Variants in ASPH observed in about 807,000 individuals in gnomAD.
ASPH encodes aspartate beta-hydroxylase, also known as aspartyl/asparaginyl beta-hydroxylase.
A neutral mutation model predicts 118.4 loss-of-function variants in ASPH; 100 were observed. The ratio of observed to expected loss-of-function variants is 0.84; its 90% CI spans 0.72 to 1.00. The LOEUF is 1.00. ASPH is among the 50% of genes least tolerant of loss of function. The probability of loss-of-function intolerance (pLI) is 0.00; values close to 1 mark genes in which losing one functional copy is unlikely to be tolerated. For missense variants in ASPH, 920 were observed against 919.5 expected, an observed-to-expected ratio of 1.00 and a Z score of -0.01; for synonymous variants, 315 against 325.6, an observed-to-expected ratio of 0.97 and a Z score of 0.35.
At chr8:61,556,182 G>T (rs1473200907) in intron 18 of ASPH, among the ~76,000 whole-genome samples, 160 bp from the exon 19 acceptor site, 1 of 152,164 alleles carries the variant, frequency 6.6e-6, no homozygotes, top group Non-Finnish European at 1.5e-5. Context: ...TTGTCTCATG[G>T]CAATATCATT....
chr8:61,548,286 A>G, intron 20 of ASPH, 78 bp from the exon 21 acceptor site: 2 of 1,445,236 alleles, frequency 1.4e-6, no homozygotes, highest in East Asian at 2.6e-5. Flanking sequence ...TGAAAACATT[A>G]AAAATAAGGT....
chr8:61,690,779 G>C (rs538874930), intron 1 of ASPH, among the ~76,000 whole-genome samples: 3 of 151,802 alleles, frequency 2.0e-5, no homozygotes. Context: ...AGTGGCTTAC[G>C]GCAAGAATAT....
intron 14 of ASPH, among the ~76,000 whole-genome samples, chr8:61,612,740 G>A (rs555290619): frequency 4.5e-4 from 69 of 152,264 alleles, no homozygotes; most frequent in Non-Finnish European, 8.2e-4. Context: ...TTAATTATAG[G>A]CACAGAAGTA....
chr8:61,546,754 C>A (rs190931287), intron 21 of ASPH, among the ~76,000 whole-genome samples: 55 of 152,176 alleles, frequency 3.6e-4, no homozygotes, highest in African/African-American at 1.3e-3. Context: ...CCAAGTAGAC[C>A]AAATTAATCA....
chr8:61,509,241 T>C (rs1294188313), intron 24 of ASPH, among the ~76,000 whole-genome samples: 1 of 152,142 alleles, frequency 6.6e-6, no homozygotes, highest in African/African-American at 2.4e-5. Context: ...GGCGAGTCCA[T>C]GGAGTAAAGT....
chr8:61,512,396 T>A (rs575642309), intron 24 of ASPH, among the ~76,000 whole-genome samples: 11 of 152,304 alleles, frequency 7.2e-5, no homozygotes, highest in African/African-American at 2.4e-4. Context: ...GAAAGCAATG[T>A]GAACACAGAG....
At chr8:61,648,862 C>A (rs1809433378) in intron 5 of ASPH, among the ~76,000 whole-genome samples, 1 of 146,130 alleles carries the variant, frequency 6.8e-6, no homozygotes, top group African/African-American at 2.5e-5. Flanking sequence ...GTGAATGCAC[C>A]ATGATGGGGG....
chr8:61,550,346 C>T (rs889174213), intron 20 of ASPH, among the ~76,000 whole-genome samples: 1 of 151,898 alleles, frequency 6.6e-6, no homozygotes, highest in Non-Finnish European at 1.5e-5. Flanking sequence ...AGTAAGAGCC[C>T]CTGGGCCACA....
intron 3 of ASPH, among the ~76,000 whole-genome samples, chr8:61,674,790 T>C (rs922020970): frequency 2.6e-5 from 4 of 152,188 alleles, no homozygotes; most frequent in Admixed American, 6.5e-5. Flanking sequence ...TGATTAGATA[T>C]AGAAGACAAG....
chr8:61,563,195 T>TAA (rs5891812), intron 17 of ASPH, among the ~76,000 whole-genome samples: 62 of 149,636 alleles, frequency 4.1e-4, no homozygotes, highest in Admixed American at 4.7e-4. Flanking sequence ...AATTCCTCGT[T>TAA]AAAAAAAAAA....
chr8:61,562,995 C>T, intron 17 of ASPH, 115 bp from the exon 18 acceptor site: 1 of 1,100,446 alleles, frequency 9.1e-7, no homozygotes, highest in South Asian at 2.2e-5. Flanking sequence ...CAGCTCAAAT[C>T]TGGCTTTATT....
At chr8:61,510,181 A>G (rs1351993799) in intron 24 of ASPH, among the ~76,000 whole-genome samples, 1 of 152,210 alleles carries the variant, frequency 6.6e-6, no homozygotes. Context: ...GATTACTTTA[A>G]TACTCAAAAC....
intron 21 of ASPH, among the ~76,000 whole-genome samples, chr8:61,529,826 G>A (rs1384749466): frequency 1.3e-5 from 2 of 152,172 alleles, no homozygotes; most frequent in South Asian, 2.1e-4. Context: ...TAGCTGCCTC[G>A]ACAAATGGTG....
At chr8:61,698,974 G>T (rs1834598686) in intron 1 of ASPH, among the ~76,000 whole-genome samples, 1 of 152,158 alleles carries the variant, frequency 6.6e-6, no homozygotes, top group African/African-American at 2.4e-5. Context: ...ACTTCAGTGG[G>T]GTCTCCAGAT....
chr8:61,675,824 C>T (rs1322289925), intron 3 of ASPH: 27 of 1,289,846 alleles, frequency 2.1e-5, no homozygotes, highest in Non-Finnish European at 2.5e-5. Context: ...CCACCAAGAA[C>T]ATCATTTTCA....
chr8:61,634,698 T>C (rs943897035), intron 12 of ASPH, among the ~76,000 whole-genome samples: 19 of 150,604 alleles, frequency 1.3e-4, no homozygotes, highest in African/African-American at 4.5e-4. Flanking sequence ...GGTTTGCCTG[T>C]TTATTTTGTT....
chr8:61,604,903 T>C (rs1845114124), intron 14 of ASPH, among the ~76,000 whole-genome samples: 1 of 152,228 alleles, frequency 6.6e-6, no homozygotes, highest in African/African-American at 2.4e-5. Context: ...ATTTAAAGCA[T>C]ACATGGAAAT....
chr8:61,621,599 AAC>A (rs1470148668), intron 13 of ASPH, among the ~76,000 whole-genome samples: 2 of 152,226 alleles, frequency 1.3e-5, no homozygotes, highest in African/African-American at 4.8e-5. Context: ...CTAAGCACTT[AAC>A]ACAGACTATC....
At chr8:61,584,079 G>A in intron 14 of ASPH, 50 bp from the exon 15 acceptor site, 1 of 1,181,892 alleles carries the variant, frequency 8.5e-7, no homozygotes, top group Non-Finnish European at 1.2e-6. Flanking sequence ...ACTAGAAATA[G>A]TTATTAAGCA....
Sources: gnomAD v4.1 joint callset for allele counts (sites outside exome capture counted in the v4.1 genomes callset) on GRCh38, gnomAD v4.1.1 for gene constraint, MANE v1.5 for transcripts, NCBI Gene and HGNC (gene_info 2026-07-23, HGNC 2026-07-21) for gene names.